Variants in CHCHD3 observed in about 807,000 individuals in gnomAD.
The protein encoded by CHCHD3 is coiled-coil-helix-coiled-coil-helix domain containing 3, also known as MICOS complex subunit MIC19.
Under a neutral mutation model 38.2 loss-of-function variants are expected in CHCHD3, and 20 were observed. That is an observed-to-expected ratio of 0.52 (90% CI 0.37 to 0.76). CHCHD3 has a LOEUF of 0.76. CHCHD3 is among the 30% of genes least tolerant of loss of function. The pLI is 0.00. For synonymous variants in CHCHD3, 82 were observed against 100.0 expected, an observed-to-expected ratio of 0.82 and a Z score of 1.07; for missense variants, 245 against 279.2, an observed-to-expected ratio of 0.88 and a Z score of 0.87.
Position 132,982,577 on chromosome 7 carries a change from AC to A in CHCHD3, c.252-7292del, listed in dbSNP as rs551868820. On this transcript the variant is annotated intron_variant, in intron 3 of 7. Coordinates refer to ENST00000262570, the MANE Select transcript of CHCHD3 (RefSeq NM_017812.4). ...TAGGATTACAGGCGAAAGCCACCACACCCAGCCTAAATTCATATATAATATC... is the reference window on the plus strand; with the variant it reads ...TAGGATTACAGGCGAAAGCCACCACACCAGCCTAAATTCATATATAATATC... Among the ~76,000 whole-genome samples the A allele has an allele frequency of 1.0e-3, 153 of 152,210 alleles. 1 individual carries two copies. Among genetic ancestry groups the A allele is most frequent in the African/African-American group, 3.6e-3 (151 of 41,552 alleles).
chr7:132,985,206 G>T (rs1812067525), intron 3 of CHCHD3, among the ~76,000 whole-genome samples: 2 of 81,942 alleles, frequency 2.4e-5, no homozygotes, highest in African/African-American at 9.2e-5. Context: ...AGGTGGGGGG[G>T]TTAGCCCCCC....
intron 5 of CHCHD3, among the ~76,000 whole-genome samples, chr7:132,848,739 A>G (rs1467523781): frequency 6.6e-6 from 1 of 152,170 alleles, no homozygotes; most frequent in Admixed American, 6.5e-5. Context: ...GTGGGCAGAA[A>G]AGCAGAAGGA....
chr7:133,054,595 A>C (rs1328897733), intron 2 of CHCHD3, among the ~76,000 whole-genome samples: 1 of 152,228 alleles, frequency 6.6e-6, no homozygotes, highest in Non-Finnish European at 1.5e-5. Flanking sequence ...TATAACATAA[A>C]ATTTACCCAT....
intron 3 of CHCHD3, among the ~76,000 whole-genome samples, chr7:132,988,634 C>G (rs1488481891): frequency 6.6e-6 from 1 of 151,994 alleles, no homozygotes; most frequent in Non-Finnish European, 1.5e-5. Flanking sequence ...ATAATAAAAG[C>G]CAGGCTCAGT....
chr7:132,880,181 G>A (rs530359127), intron 5 of CHCHD3, among the ~76,000 whole-genome samples: 31 of 152,278 alleles, frequency 2.0e-4, no homozygotes, highest in Admixed American at 7.8e-4. Context: ...CTTCAAGTTG[G>A]TACTAGACAG....
At chr7:132,809,954 G>A (rs1410535530) in intron 6 of CHCHD3, among the ~76,000 whole-genome samples, 1 of 152,192 alleles carries the variant, frequency 6.6e-6, no homozygotes, top group Non-Finnish European at 1.5e-5. Context: ...GTGCCTTGCA[G>A]TCTTGAAATC....
At chr7:133,032,365 G>T (rs1017830511) in intron 2 of CHCHD3, among the ~76,000 whole-genome samples, 2 of 152,138 alleles carry the variant, frequency 1.3e-5, no homozygotes, top group African/African-American at 4.8e-5. Context: ...ATGGTAGAAT[G>T]AAAGTTCTGC....
At chr7:132,796,402 A>G in intron 7 of CHCHD3, 40 bp downstream of exon 7, 1 of 1,608,660 alleles carries the variant, frequency 6.2e-7, no homozygotes, top group Non-Finnish European at 8.5e-7. Flanking sequence ...CCAGTTTTCA[A>G]TTTGCCCAGT....
At chr7:133,003,310 T>C (rs375063155) in intron 3 of CHCHD3, among the ~76,000 whole-genome samples, 1 of 152,306 alleles carries the variant, frequency 6.6e-6, no homozygotes, top group East Asian at 1.9e-4. Context: ...TTGGCAAACA[T>C]GCTCTTAAAA....
intron 2 of CHCHD3, among the ~76,000 whole-genome samples, chr7:133,026,026 G>A (rs1813327334): frequency 6.6e-6 from 1 of 152,066 alleles, no homozygotes; most frequent in Non-Finnish European, 1.5e-5. Context: ...CTTAGTTGAG[G>A]ACTATCAGAC....
rs778168298 is a variant in CHCHD3, at chr7:132,933,008, G to A, written c.369+42161C>T. Among the ~76,000 whole-genome samples, 8 of 152,138 alleles carry A rather than the reference G, an allele frequency of 5.3e-5. No homozygotes were observed. The South Asian group carries it at 6.2e-4, about 12-fold the overall frequency. The stretch of plus-strand genomic sequence containing the variant: ...AAAGCAAGGCTGACACAAAAAGACC[G>A]CCCAGAGTATGAAGTTTTAAACAAG... On this transcript the variant is annotated intron_variant, in intron 4 of 7. Coordinates refer to ENST00000262570, the MANE Select transcript of CHCHD3 (RefSeq NM_017812.4).
chr7:132,887,559 T>C (rs1393529122), intron 4 of CHCHD3, among the ~76,000 whole-genome samples: 1 of 139,582 alleles, frequency 7.2e-6, no homozygotes, highest in African/African-American at 2.7e-5. Flanking sequence ...ACTGGGAGAG[T>C]TAATGTTATT....
intron 5 of CHCHD3, among the ~76,000 whole-genome samples, chr7:132,860,405 G>C (rs1221281899): frequency 6.6e-6 from 1 of 152,028 alleles, no homozygotes; most frequent in Non-Finnish European, 1.5e-5. Context: ...CCTAGACTCA[G>C]TAACTGGTTC....
intron 4 of CHCHD3, among the ~76,000 whole-genome samples, chr7:132,926,262 T>C (rs1332994561): frequency 6.6e-6 from 1 of 151,734 alleles, no homozygotes; most frequent in African/African-American, 2.4e-5. Context: ...ATCAGTAGAG[T>C]TTGGAAAGGG....
At chr7:132,942,153 C>A (rs1405308742) in intron 4 of CHCHD3, among the ~76,000 whole-genome samples, 1 of 152,104 alleles carries the variant, frequency 6.6e-6, no homozygotes, top group Non-Finnish European at 1.5e-5. Flanking sequence ...GGAGACAACA[C>A]ACTTCTAATA....
intron 3 of CHCHD3, among the ~76,000 whole-genome samples, chr7:133,006,501 A>C (rs535434774): frequency 8.2e-6 from 1 of 122,134 alleles, no homozygotes; most frequent in Admixed American, 8.3e-5. Context: ...ATAAAAAAAT[A>C]AATAAAATTA....
intron 1 of CHCHD3, among the ~76,000 whole-genome samples, chr7:133,076,187 T>C (rs1160968085): frequency 1.3e-5 from 2 of 151,548 alleles, no homozygotes; most frequent in African/African-American, 4.8e-5. Context: ...TTTCCAGACA[T>C]CTCTGGAATC....
intron 3 of CHCHD3, among the ~76,000 whole-genome samples, chr7:133,005,953 T>C (rs918671337): frequency 5.9e-5 from 9 of 152,216 alleles, no homozygotes; most frequent in Non-Finnish European, 8.8e-5. Flanking sequence ...ATCTCACCTA[T>C]TGCATATCTG....
chr7:132,867,701 A>AT (rs1733916331), intron 5 of CHCHD3, among the ~76,000 whole-genome samples: 1 of 152,190 alleles, frequency 6.6e-6, no homozygotes, highest in African/African-American at 2.4e-5. Context: ...GCTTTTACTA[A>AT]TTTTAGAGTA....
Sources: allele counts gnomAD v4.1 joint callset (sites outside exome capture counted in the v4.1 genomes callset), GRCh38; gene constraint gnomAD v4.1.1; transcripts MANE v1.5; gene names NCBI Gene and HGNC (gene_info 2026-07-23, HGNC 2026-07-21).